Variants in LDLRAD4 observed in about 807,000 individuals in gnomAD.
The protein encoded by LDLRAD4 is low-density lipoprotein receptor class A domain-containing protein 4.
A neutral mutation model predicts 17.0 loss-of-function variants in LDLRAD4; 5 were observed. The ratio of observed to expected loss-of-function variants is 0.29; its 90% CI spans 0.15 to 0.62. The LOEUF (loss-of-function observed/expected upper bound fraction) is 0.62. Among genes scored for constraint, LDLRAD4 ranks in the 20% least tolerant of loss-of-function variants. The pLI is 0.84. For missense variants in LDLRAD4, 340 were observed against 424.7 expected (o/e 0.80, Z 1.75); for synonymous variants, 168 against 171.8 (o/e 0.98, Z 0.17).
chr18:13,578,952 A>G (rs534622119), intron 3 of LDLRAD4, among the ~76,000 whole-genome samples: 2 of 147,098 alleles, frequency 1.4e-5, no homozygotes, highest in Admixed American at 1.4e-4. Context: ...GCACTTTGAG[A>G]GGCTGAGGTG....
At chr18:13,550,079 A>T (rs1445627991) in intron 3 of LDLRAD4, among the ~76,000 whole-genome samples, 1 of 152,242 alleles carries the variant, frequency 6.6e-6, no homozygotes, top group Admixed American at 6.5e-5. Context: ...ACAGGAAGAA[A>T]GCAGACACAG....
Position 13,376,211 on chromosome 18 carries a change from G to A in LDLRAD4, c.-382-11130G>A, listed in dbSNP as rs117525158. 8.6e-3 allele frequency among the ~76,000 whole-genome samples: 1,310 copies of A among 152,318 alleles called. 26 individuals carry two copies. Among genetic ancestry groups the A allele is most frequent in the East Asian group, 0.056 (289 of 5,178 alleles). ...AAATGTGCTTAGGTCTCCATGCAGA[G>A]TAGGGGTTGGAATAAATCGATTCCT... On this transcript the variant is annotated intron_variant, in intron 1 of 5. Coordinates refer to ENST00000359446, the Ensembl canonical transcript of LDLRAD4.
At chr18:13,550,681 C>G (rs1190861274) in intron 3 of LDLRAD4, among the ~76,000 whole-genome samples, 2 of 152,186 alleles carry the variant, frequency 1.3e-5, no homozygotes, top group African/African-American at 2.4e-5. Flanking sequence ...CTGGCCCCTG[C>G]CAAAACGTAA....
At chr18:13,275,464 G>A (rs1478906335), upstream of LDLRAD4, among the ~76,000 whole-genome samples, 1 of 152,174 alleles carries the variant, frequency 6.6e-6, no homozygotes, top group African/African-American at 2.4e-5. Context: ...CTACTCTGAA[G>A]GCTTGAATAA....
chr18:13,252,753 T>C (rs2043291052), intron 1 of LDLRAD4, among the ~76,000 whole-genome samples: 1 of 152,230 alleles, frequency 6.6e-6, no homozygotes, highest in Non-Finnish European at 1.5e-5. Context: ...CCTCATTTCA[T>C]GTGACATGCA....
intron 4 of LDLRAD4, among the ~76,000 whole-genome samples, chr18:13,626,819 T>A (rs1026828533): frequency 2.0e-5 from 3 of 152,202 alleles, no homozygotes; most frequent in Non-Finnish European, 4.4e-5. Flanking sequence ...GTCAGCCCTC[T>A]TGATGCAGAA....
chr18:13,400,230 A>C (rs1599944624), intron 2 of LDLRAD4, among the ~76,000 whole-genome samples: 1 of 152,304 alleles, frequency 6.6e-6, no homozygotes, highest in East Asian at 1.9e-4. Context: ...TGTCACATAC[A>C]CTTGCACAGT....
chr18:13,363,928 T>C (rs1207198055), intron 1 of LDLRAD4, among the ~76,000 whole-genome samples: 2 of 152,220 alleles, frequency 1.3e-5, no homozygotes, highest in African/African-American at 4.8e-5. Flanking sequence ...AATAATGCCA[T>C]GTACTATGCT....
At chr18:13,344,102 C>G (rs2082539371) in intron 1 of LDLRAD4, among the ~76,000 whole-genome samples, 1 of 152,154 alleles carries the variant, frequency 6.6e-6, no homozygotes, top group Non-Finnish European at 1.5e-5. Context: ...TCCCATTTGT[C>G]AATTTTGGCT....
intron 3 of LDLRAD4, among the ~76,000 whole-genome samples, chr18:13,570,344 C>T (rs1029841949): frequency 6.6e-6 from 1 of 152,196 alleles, no homozygotes; most frequent in African/African-American, 2.4e-5. Flanking sequence ...TCCTGCAGCT[C>T]GTTGCCTAGA....
At chr18:13,541,002 A>C (rs943207555) in intron 3 of LDLRAD4, among the ~76,000 whole-genome samples, 5 of 152,168 alleles carry the variant, frequency 3.3e-5, no homozygotes, top group Admixed American at 3.3e-4. Flanking sequence ...GTGGAGGTGG[A>C]AACCTTGAGT....
chr18:13,335,017 T>G (rs1390275043), intron 1 of LDLRAD4, among the ~76,000 whole-genome samples: 3 of 152,250 alleles, frequency 2.0e-5, no homozygotes, highest in Non-Finnish European at 2.9e-5. Flanking sequence ...TTCTGTCTTA[T>G]AGTTTTCAAG....
At chr18:13,549,008 C>G (rs576109828) in intron 3 of LDLRAD4, among the ~76,000 whole-genome samples, 1 of 152,296 alleles carries the variant, frequency 6.6e-6, no homozygotes, top group African/African-American at 2.4e-5. Flanking sequence ...ATTCAGCTCC[C>G]CAAAAGCAAA....
chr18:13,373,143 C>G (rs1202935410), intron 1 of LDLRAD4, among the ~76,000 whole-genome samples: 2 of 121,992 alleles, frequency 1.6e-5, no homozygotes, highest in African/African-American at 6.0e-5. Context: ...CATCCTCTAC[C>G]ACAACTGTTT....
chr18:13,604,827 C>T (rs2095204757), intron 3 of LDLRAD4, among the ~76,000 whole-genome samples: 1 of 152,140 alleles, frequency 6.6e-6, no homozygotes, highest in Non-Finnish European at 1.5e-5. Context: ...AGAAGATGTA[C>T]TGGCAGTTTT....
chr18:13,478,666 A>G (rs999576581), intron 3 of LDLRAD4, among the ~76,000 whole-genome samples: 1 of 152,274 alleles, frequency 6.6e-6, no homozygotes, highest in African/African-American at 2.4e-5. Context: ...GTTCATGGAT[A>G]GGAAGACTTA....
chr18:13,226,350 G>C (rs559363373), intron 1 of LDLRAD4, among the ~76,000 whole-genome samples: 1 of 151,762 alleles, frequency 6.6e-6, no homozygotes. Context: ...TGTTTGGGTA[G>C]ATTCTTAAAA....
chr18:13,356,885 G>A (rs1195154259), intron 1 of LDLRAD4, among the ~76,000 whole-genome samples: 1 of 152,232 alleles, frequency 6.6e-6, no homozygotes, highest in Non-Finnish European at 1.5e-5. Context: ...TGTAATCCCA[G>A]CACTTTGGAA....
intron 3 of LDLRAD4, among the ~76,000 whole-genome samples, chr18:13,552,639 G>A (rs1200952861): frequency 3.3e-5 from 5 of 152,144 alleles, no homozygotes; most frequent in African/African-American, 9.7e-5. Context: ...AGAGGCTGAC[G>A]GCTGAGGTAG....
Sources: allele counts gnomAD v4.1 joint callset (sites outside exome capture counted in the v4.1 genomes callset), GRCh38; gene constraint gnomAD v4.1.1; transcripts MANE v1.5; gene names NCBI Gene and HGNC (gene_info 2026-07-23, HGNC 2026-07-21).